TRMU: variants seen among roughly 807,000 people sequenced by gnomAD.
The protein encoded by TRMU is tRNA mitochondrial 2-thiouridylase.
A neutral mutation model predicts 46.9 loss-of-function variants in TRMU; 49 were observed. The observed-to-expected ratio is 1.05, with a 90% CI of 0.83 to 1.33. The LOEUF (loss-of-function observed/expected upper bound fraction) is 1.33. Ranked by LOEUF, TRMU falls within the 40% of genes most tolerant of loss-of-function variation. The probability of loss-of-function intolerance (pLI) is 0.00; values close to 1 mark genes in which losing one functional copy is unlikely to be tolerated. For synonymous variants in TRMU, 241 were observed against 200.9 expected, an observed-to-expected ratio of 1.20 and a Z score of -1.69; for missense variants, 572 against 532.4, an observed-to-expected ratio of 1.07 and a Z score of -0.73.
chr22:46,348,883 A>G lies in TRMU; in HGVS notation c.479-1408A>G, dbSNP rs2078329439. Among the ~76,000 whole-genome samples, 1 of 152,056 alleles carries G rather than the reference A, an allele frequency of 6.6e-6. No individual in the cohort carries two copies. The highest frequency in any genetic ancestry group is 2.4e-5 in the African/African-American group (1 of 41,406). On this transcript the variant is annotated intron_variant, in intron 4 of 10. Transcript: ENST00000645190. The surrounding 1 kb of genome is among the most constrained non-coding windows in gnomAD (Gnocchi z 4.8). Reference sequence around the variant, plus strand: ...GGTGCGGTGGCTCATGCCTGTAATCACAGCACTTTGGGAAGCCAAGGCAGG... The same window carrying G: ...GGTGCGGTGGCTCATGCCTGTAATCGCAGCACTTTGGGAAGCCAAGGCAGG...
At chr22:46,346,375 C>T in intron 3 of TRMU, 47 bp from the exon 4 acceptor site, 1 of 1,598,684 alleles carries the variant, frequency 6.3e-7, no homozygotes, top group Non-Finnish European at 8.5e-7. Context: ...TCAAGGCCTG[C>T]AAGTATGAGT....
Position 46,351,537 on chromosome 22 carries a change from CCT to C in TRMU, c.652-580_652-579del, listed in dbSNP as rs1424078108. 1.0e-5 allele frequency: 2 copies of C among 192,510 alleles called. No individual in the cohort carries two copies. The highest frequency in any genetic ancestry group is 1.1e-4 in the South Asian group (1 of 9,390). The allele number at this position is 192,510 out of a possible 1,614,324, so 11.9% of individuals were successfully genotyped here. A position where few individuals can be genotyped will look rare whatever the true frequency, so the allele number is the denominator to read the frequency against. On this transcript the variant is annotated intron_variant, in intron 5 of 10. Coordinates refer to ENST00000645190, the MANE Select transcript of TRMU (RefSeq NM_018006.5). The surrounding 1 kb of genome is among the most constrained non-coding windows in gnomAD (Gnocchi z 6.4). ...GAAGAGCACGCCCACCGCCCGTCCT[CCT>C]CTCCTCTTGTTTTCCGTTTCCGGTG...
At chr22:46,346,754 C>T (rs577402209) in intron 4 of TRMU, among the ~76,000 whole-genome samples, 39 of 152,306 alleles carry the variant, frequency 2.6e-4, no homozygotes, top group African/African-American at 9.1e-4. Flanking sequence ...GTGTCCCTGC[C>T]GGCCATGGTG....
intron 7 of TRMU, chr22:46,352,659 C>T (rs566990288): frequency 2.8e-5 from 12 of 421,894 alleles, no homozygotes; most frequent in African/African-American, 2.4e-4. Context: ...TGTTAAACTA[C>T]ACAAAACTCC....
At chr22:46,355,185 C>G (rs938605397) in intron 8 of TRMU, 15 of 587,440 alleles carry the variant, frequency 2.6e-5, no homozygotes, top group African/African-American at 2.4e-4. Context: ...GTCATGGGCT[C>G]GGATCTCACC....
chr22:46,352,552 TC>T, intron 7 of TRMU: 1 of 617,406 alleles, frequency 1.6e-6, no homozygotes, highest in Admixed American at 2.7e-5. Flanking sequence ...ATGCTGGAGT[TC>T]ATGAAAAGCG....
rs1368760185 is a variant in TRMU at position 46,346,488 on chromosome 22, A to G, written c.422A>G (p.Gln141Arg). The G allele has an allele frequency of 1.2e-6, 2 of 1,613,682 alleles. No homozygotes were observed. The highest frequency in any genetic ancestry group is 3.3e-5 in the Admixed American group (2 of 60,014). Residue 141 changes from glutamine (Q) to arginine (R), a missense_variant, in exon 4 of 11, where the codon CAG (glutamine) becomes CGG (arginine). Gln to Arg is a conservative substitution (Grantham distance 43). Transcript: ENST00000645190. ...TSLEDEEVFEQKHVKKPEGLF... is the reference protein window; with the variant it reads ...TSLEDEEVFERKHVKKPEGLF... ...CTGGAAGATGAAGAAGTCTTTGAGC[A>G]GAAGCACGTTAAGAAGCCCGAAGGG...
rs1445893838 is a variant in TRMU at position 46,338,106 on chromosome 22, T to C, written c.248+162T>C. On this transcript the variant is annotated intron_variant, in intron 2 of 10. Transcript: ENST00000645190. This position sits in a 1 kb window ranked among gnomAD's most constrained non-coding sequence, Gnocchi z 4.5. ...GAGGCCTCAGCCACCCTCGGGGCTC[T>C]GTGTTAGAGGCGAGGCCTGGACCCC... The C allele has an allele frequency of 4.2e-6, 4 of 959,418 alleles. No homozygotes were observed. The highest frequency in any genetic ancestry group is 6.5e-6 in the Non-Finnish European group (4 of 616,196). The allele number at this position is 959,418 out of a possible 1,614,324, so 59.4% of individuals were successfully genotyped here.
In TRMU at chr22:46,350,154, A is replaced by G. The variant is rs1004397410; in HGVS notation, c.479-137A>G. The G allele has an allele frequency of 3.2e-6, 3 of 937,900 alleles. No individual in the cohort carries two copies. The South Asian group carries it at 4.5e-5, about 14-fold the overall frequency. 58.1% of individuals were successfully genotyped at this position (937,900 alleles called of 1,614,324 possible). A position where few individuals can be genotyped will look rare whatever the true frequency, so the allele number is the denominator to read the frequency against. On this transcript the variant is annotated intron_variant, in intron 4 of 10. Transcript: ENST00000645190. This position sits in a 1 kb window ranked among gnomAD's most constrained non-coding sequence, Gnocchi z 4.6. ...ATTAACCCGTGGTGGTCTTTTCCCT[A>G]GTAGTTGCTATTGAGTGTTGATGTC...
At position 46,339,160 on chromosome 22, in the gene TRMU, T is replaced by A. The variant is rs1246037390; in HGVS notation, c.248+1216T>A. 2.0e-5 allele frequency among the ~76,000 whole-genome samples: 3 copies of A among 151,748 alleles called. No homozygotes were observed. Among genetic ancestry groups the A allele is most frequent in the African/African-American group, 7.3e-5 (3 of 41,242 alleles). The stretch of plus-strand genomic sequence containing the variant: ...AAACATAGCTGTTTTTCTTTTCTAT[T>A]TTTTTTTGAGACAGAGCCTCGCTCT... On this transcript the variant is annotated intron_variant, in intron 2 of 10. Transcript: ENST00000645190. This position sits in a 1 kb window ranked among gnomAD's most constrained non-coding sequence, Gnocchi z 4.8.
rs6008769 is a variant in TRMU, at chr22:46,346,589, T to G, written c.478+45T>G. The stretch of plus-strand genomic sequence containing the variant: ...TCAGAGCCAAATTCTTGTGAACAGA[T>G]TGAAATCTTTGGAGGAATGACAGTG... On this transcript the variant is annotated intron_variant, in intron 4 of 10. Coordinates refer to ENST00000645190, the MANE Select transcript of TRMU (RefSeq NM_018006.5). The G allele has an allele frequency of 0.058, 91,666 of 1,591,748 alleles. 13,448 individuals are homozygous for G. The highest frequency in any genetic ancestry group is 0.57 in the African/African-American group (42,276 of 74,438).
In TRMU at chr22:46,350,710, C is replaced by T. The variant is rs1905417328; in HGVS notation, c.651+247C>T. ...TCCTCTGCCCCTATGTGGTAGGCAG[C>T]TTTCCCCACAGCCTTAGCAGCTGGT... On this transcript the variant is annotated intron_variant, in intron 5 of 10. Transcript: ENST00000645190. The surrounding 1 kb of genome is among the most constrained non-coding windows in gnomAD (Gnocchi z 4.6). Among the ~76,000 whole-genome samples, 2 of 152,346 alleles carry T rather than the reference C, an allele frequency of 1.3e-5. No individual in the cohort carries two copies. Among genetic ancestry groups the T allele is most frequent in the Admixed American group, 1.3e-4 (2 of 15,304 alleles).
intron 3 of TRMU, 115 bp from the exon 4 acceptor site, chr22:46,346,307 G>GC: frequency 7.6e-7 from 1 of 1,316,954 alleles, no homozygotes; most frequent in East Asian, 2.6e-5. Flanking sequence ...GGATTGTGCA[G>GC]CCCCTCAGCC....
rs2294538 is a variant in TRMU, at chr22:46,345,127, G to A, written c.356-1295G>A. Reference sequence around the variant, plus strand: ...ACTCTGTCTCCCAGGCTGGAGTGCAGTGGTGTGATCTCGGCTCACTGCAAC... The same window carrying A: ...ACTCTGTCTCCCAGGCTGGAGTGCAATGGTGTGATCTCGGCTCACTGCAAC... On this transcript the variant is annotated intron_variant, in intron 3 of 10. Transcript: ENST00000645190. 2.0e-5 allele frequency among the ~76,000 whole-genome samples: 3 copies of A among 152,314 alleles called. No individual in the cohort carries two copies. The South Asian group carries it at 6.2e-4, about 32-fold the overall frequency.
In TRMU at chr22:46,352,308, T is replaced by C. The variant is rs886044298; in HGVS notation, c.750T>C (p.Asn250=). 1 of 1,613,986 alleles carries C rather than the reference T, an allele frequency of 6.2e-7. No homozygotes were observed. Among genetic ancestry groups the C allele is most frequent in the Non-Finnish European group, 8.5e-7 (1 of 1,179,996 alleles). Residue 250 remains asparagine (N), a synonymous_variant, in exon 7 of 11, where the codon AAT becomes AAC. Coordinates refer to ENST00000645190, the MANE Select transcript of TRMU (RefSeq NM_018006.5). ...RPGHFISIED[N]KVLGTHKGWF... is the part of the protein sequence containing the mutation. ...GTCACTTTATTTCCATAGAAGACAATAAGGTTCTGGGAACACATAAAGGTG... is the reference window on the plus strand; with the variant it reads ...GTCACTTTATTTCCATAGAAGACAACAAGGTTCTGGGAACACATAAAGGTG...
At position 46,335,734 on chromosome 22, in the gene TRMU, G is replaced by C; in HGVS notation, c.-31G>C. 6.5e-7 allele frequency: 1 copy of C among 1,542,168 alleles called. No individual in the cohort carries two copies. The highest frequency in any genetic ancestry group is 8.7e-7 in the Non-Finnish European group (1 of 1,147,184). On this transcript the variant is annotated 5_prime_UTR_variant, in exon 1 of 11. Coordinates refer to ENST00000645190, the MANE Select transcript of TRMU (RefSeq NM_018006.5). ...CCGGCAAGGCGCGGAAGCGGCGGTAGCTGCAGCTGGCGAAGTTGGGCGACT... is the reference window on the plus strand; with the variant it reads ...CCGGCAAGGCGCGGAAGCGGCGGTACCTGCAGCTGGCGAAGTTGGGCGACT...
rs535991494 is a variant in TRMU at position 46,349,085 on chromosome 22, G to C, written c.479-1206G>C. Among the ~76,000 whole-genome samples, 10 of 151,664 alleles carry C rather than the reference G, an allele frequency of 6.6e-5. No homozygotes were observed. The South Asian group carries it at 2.1e-3, about 32-fold the overall frequency. ...ACCCAGGAGGCGGAGATTGCCGTGAGCCGAGATGTGCCACTGCACTCCAGC... is the reference window on the plus strand; with the variant it reads ...ACCCAGGAGGCGGAGATTGCCGTGACCCGAGATGTGCCACTGCACTCCAGC... On this transcript the variant is annotated intron_variant, in intron 4 of 10. Transcript: ENST00000645190. The surrounding 1 kb of genome is among the most constrained non-coding windows in gnomAD (Gnocchi z 4.6).
At chr22:46,345,800 C>G (rs2078240371) in intron 3 of TRMU, among the ~76,000 whole-genome samples, 1 of 149,736 alleles carries the variant, frequency 6.7e-6, no homozygotes, top group African/African-American at 2.5e-5. Flanking sequence ...CAGCATCTTG[C>G]TCTGTTGCCC....
intron 10 of TRMU, chr22:46,356,295 TCGGGCCCTGAGAGGCTCAGCTGCTGCC>T: frequency 1.7e-6 from 1 of 575,880 alleles, no homozygotes; most frequent in African/African-American, 1.9e-5. Context: ...CAGTTCCTGC[TCGGGCCCTGAGAGGCTCAGCTGCTGCC>T]CGGGCCCCAG....
Sources: allele counts gnomAD v4.1 joint callset (sites outside exome capture counted in the v4.1 genomes callset), GRCh38; gene constraint gnomAD v4.1.1; non-coding constraint Gnocchi (gnomAD v3.1); transcripts MANE v1.5; gene names NCBI Gene and HGNC (gene_info 2026-07-23, HGNC 2026-07-21).